Variants in GRID2 observed in about 807,000 individuals in gnomAD.
The protein encoded by GRID2 is glutamate ionotropic receptor delta type subunit 2.
In GRID2, 33 loss-of-function variants were observed where a neutral mutation model predicts 114.8. That is an observed-to-expected ratio of 0.29 (90% CI 0.22 to 0.38). The LOEUF (loss-of-function observed/expected upper bound fraction) is 0.38. GRID2 is among the 10% of genes least tolerant of loss of function. The pLI is 1.00. For synonymous variants in GRID2, 505 were observed against 449.9 expected (o/e 1.12, Z -1.55); for missense variants, 1,184 against 1,257.7 (o/e 0.94, Z 0.89).
At chr4:93,233,632 C>T (rs1746415144) in intron 7 of GRID2, among the ~76,000 whole-genome samples, 1 of 152,040 alleles carries the variant, frequency 6.6e-6, no homozygotes, top group Admixed American at 6.6e-5. Context: ...TGTGAGCCAC[C>T]ACACCCAGCC....
At chr4:93,709,807 T>A (rs1265751338) in intron 14 of GRID2, among the ~76,000 whole-genome samples, 1 of 152,230 alleles carries the variant, frequency 6.6e-6, no homozygotes, top group Non-Finnish European at 1.5e-5. Context: ...AAATAGTCTA[T>A]CTTCAAGCTC....
chr4:92,914,561 C>G (rs1173565330), intron 2 of GRID2, among the ~76,000 whole-genome samples: 1 of 152,094 alleles, frequency 6.6e-6, no homozygotes, highest in Non-Finnish European at 1.5e-5. Context: ...CTGATCCTCT[C>G]CCTTCTCCCA....
chr4:92,907,431 G>A lies in GRID2; in HGVS notation c.245-177564G>A, dbSNP rs778241788. On this transcript the variant is annotated intron_variant, in intron 2 of 15. Coordinates refer to ENST00000282020, the MANE Select transcript of GRID2 (RefSeq NM_001510.4). ...ATTCCAGTTTTAAATTTTTTTTTGA[G>A]ACAGATATTCGCTCTTGTTTCCCAG... Among the ~76,000 whole-genome samples, 200 of 151,852 alleles carry A rather than the reference G, an allele frequency of 1.3e-3. 1 individual carries two copies. The highest frequency in any genetic ancestry group is 2.3e-3 in the Non-Finnish European group (159 of 67,940).
intron 3 of GRID2, among the ~76,000 whole-genome samples, chr4:93,095,089 G>A (rs1731086045): frequency 6.6e-6 from 1 of 151,640 alleles, no homozygotes; most frequent in Non-Finnish European, 1.5e-5. Context: ...TAATTTTTAG[G>A]AAATATTTTG....
chr4:93,669,926 G>A (rs1274145965), intron 14 of GRID2, among the ~76,000 whole-genome samples: 1 of 152,022 alleles, frequency 6.6e-6, no homozygotes, highest in Non-Finnish European at 1.5e-5. Context: ...TTGCTAATCA[G>A]CTTTTGTGGC....
In GRID2 at chr4:93,615,638, C is replaced by CAA. The variant is rs528767394; in HGVS notation, c.2194-10631_2194-10630insAA. On this transcript the variant is annotated intron_variant, in intron 13 of 15. Coordinates refer to ENST00000282020, the MANE Select transcript of GRID2 (RefSeq NM_001510.4). ...GTGCTAATAATAAAAGGCCTTCACC[C>CAA]CAAAAAAAAAAAAAAAGGAAATTGA... 1.7e-3 allele frequency among the ~76,000 whole-genome samples: 255 copies of CAA among 146,146 alleles called. 1 individual carries two copies. Among genetic ancestry groups the CAA allele is most frequent in the African/African-American group, 6.2e-3 (242 of 39,164 alleles).
At chr4:92,808,137 A>C (rs1740503599) in intron 2 of GRID2, among the ~76,000 whole-genome samples, 1 of 151,956 alleles carries the variant, frequency 6.6e-6, no homozygotes, top group African/African-American at 2.4e-5. Context: ...ATGGAAGAAA[A>C]GGGTGTAAGC....
intron 2 of GRID2, among the ~76,000 whole-genome samples, chr4:92,986,426 T>C (rs1452451546): frequency 6.6e-6 from 1 of 152,152 alleles, no homozygotes; most frequent in East Asian, 1.9e-4. Context: ...CAATGAGATA[T>C]AGGGTTTAAC....
intron 8 of GRID2, among the ~76,000 whole-genome samples, chr4:93,255,223 A>G (rs1749433077): frequency 1.3e-5 from 2 of 152,242 alleles, no homozygotes; most frequent in East Asian, 1.9e-4. Context: ...AGGACCATAC[A>G]TTAAGAAAAA....
chr4:93,526,825 A>T (rs979358528), intron 13 of GRID2, among the ~76,000 whole-genome samples: 2 of 152,208 alleles, frequency 1.3e-5, no homozygotes, highest in African/African-American at 4.8e-5. Context: ...TAAAAAATAA[A>T]TATAAAAATA....
chr4:92,825,065 A>G (rs1214125481), intron 2 of GRID2, among the ~76,000 whole-genome samples: 1 of 152,158 alleles, frequency 6.6e-6, no homozygotes, highest in Non-Finnish European at 1.5e-5. Flanking sequence ...AAGTACTAAC[A>G]TATATCTGCC....
At chr4:92,327,699 A>T (rs908908282) in intron 1 of GRID2, among the ~76,000 whole-genome samples, 15 of 152,006 alleles carry the variant, frequency 9.9e-5, no homozygotes, top group Admixed American at 2.0e-4. Context: ...TCACATTTTT[A>T]AAAAATAAAA....
At chr4:92,508,814 G>T (rs1228884050) in intron 1 of GRID2, among the ~76,000 whole-genome samples, 1 of 151,934 alleles carries the variant, frequency 6.6e-6, no homozygotes, top group Non-Finnish European at 1.5e-5. Flanking sequence ...AGAGAGGAAA[G>T]AGTTTAAGTG....
rs1738939050 is a variant in GRID2, at chr4:93,172,552, A to G, written c.736-34852A>G. ...GGTTGCAGTGAGCCGAGATCCAGCCATTGCACTCCAGCCTGGGCGACAGGG... is the reference window on the plus strand; with the variant it reads ...GGTTGCAGTGAGCCGAGATCCAGCCGTTGCACTCCAGCCTGGGCGACAGGG... On this transcript the variant is annotated intron_variant, in intron 4 of 15. Transcript: ENST00000282020. Among the ~76,000 whole-genome samples, 6 of 152,168 alleles carry G rather than the reference A, an allele frequency of 3.9e-5. No homozygotes were observed. In the South Asian group the frequency reaches 1.2e-3, roughly 32 times the overall value.
intron 1 of GRID2, among the ~76,000 whole-genome samples, chr4:92,468,976 T>C (rs1400103998): frequency 1.3e-5 from 2 of 152,172 alleles, no homozygotes. Context: ...GTAGCAATCA[T>C]GGACCACACA....
chr4:93,701,740 G>C (rs1289604655), intron 14 of GRID2, among the ~76,000 whole-genome samples: 1 of 152,020 alleles, frequency 6.6e-6, no homozygotes, highest in African/African-American at 2.4e-5. Flanking sequence ...TGTAGTCCCA[G>C]ATACTTGGGA....
intron 2 of GRID2, among the ~76,000 whole-genome samples, chr4:92,855,992 A>G (rs994804534): frequency 2.6e-5 from 4 of 152,110 alleles, no homozygotes; most frequent in African/African-American, 9.6e-5. Context: ...TACAATTACT[A>G]GGAAAAGCCT....
chr4:92,603,902 TA>T (rs1018688373), intron 2 of GRID2, among the ~76,000 whole-genome samples: 1 of 150,808 alleles, frequency 6.6e-6, no homozygotes, highest in African/African-American at 2.4e-5. Context: ...AAAAATAAAA[TA>T]AAAAAACATT....
chr4:93,161,968 GCAA>G (rs1243308362), intron 4 of GRID2, among the ~76,000 whole-genome samples: 3 of 151,600 alleles, frequency 2.0e-5, no homozygotes, highest in African/African-American at 7.3e-5. Context: ...GACTATGGCA[GCAA>G]TTTAGTCAAT....
Sources: allele counts gnomAD v4.1 joint callset (sites outside exome capture counted in the v4.1 genomes callset), GRCh38; gene constraint gnomAD v4.1.1; transcripts MANE v1.5; gene names NCBI Gene and HGNC (gene_info 2026-07-23, HGNC 2026-07-21).